The following DNAH7 variants were observed in gnomAD, a reference collection of about 807,000 sequenced individuals.
DNAH7 encodes the protein axonemal beta dynein heavy chain 7.
Under a neutral mutation model 444.6 loss-of-function variants are expected in DNAH7, and 397 were observed. That is an observed-to-expected ratio of 0.89 (90% CI 0.82 to 0.97). DNAH7 has a LOEUF of 0.97. Among genes scored for constraint, DNAH7 ranks in the 50% least tolerant of loss-of-function variants. DNAH7 has a pLI of 0.00. For synonymous variants in DNAH7, 1,636 were observed against 1,624.4 expected (o/e 1.01, Z -0.17); for missense variants, 4,902 against 4,800.8 (o/e 1.02, Z -0.62).
chr2:195,808,852 G>C lies in DNAH7; in HGVS notation c.9913C>G (p.Leu3305Val), dbSNP rs1696829101. The C allele has an allele frequency of 6.2e-7, 1 of 1,613,568 alleles. No homozygotes were observed. Among genetic ancestry groups the C allele is most frequent in the Admixed American group, 1.7e-5 (1 of 59,862 alleles). ...TCCAGTCCAATGCCACCAGTTAGCA[G>C]AAATCTCCACTCAGCTTTATTAATC... is the stretch of plus-strand genomic sequence containing the variant. The part of the protein sequence containing the change: ...RAINKAEWRF[L>V]LTGGIGLDNP... Residue 3305 changes from leucine to valine, a missense_variant, in exon 53 of 65, where the codon CTG (leucine) becomes GTG (valine). Physicochemically the swap from Leu to Val is conservative, Grantham distance 32 (BLOSUM62 1). Transcript: ENST00000312428.
chr2:195,743,432 C>T (rs1007680615), intron 63 of DNAH7, among the ~76,000 whole-genome samples: 1 of 151,878 alleles, frequency 6.6e-6, no homozygotes, highest in Non-Finnish European at 1.5e-5. Context: ...AAACGTTCAG[C>T]AGCACTGTAG....
intron 60 of DNAH7, among the ~76,000 whole-genome samples, chr2:195,773,277 A>T (rs965073025): frequency 5.3e-5 from 8 of 152,330 alleles, no homozygotes; most frequent in African/African-American, 1.9e-4. Flanking sequence ...GAGAACGAAA[A>T]GTATTTGGCT....
At chr2:195,983,894 G>C (rs1305926205) in intron 15 of DNAH7, among the ~76,000 whole-genome samples, 1 of 152,166 alleles carries the variant, frequency 6.6e-6, no homozygotes, top group Non-Finnish European at 1.5e-5. Context: ...GGCTTCCCGG[G>C]ACAGTCCTGG....
intron 10 of DNAH7, among the ~76,000 whole-genome samples, chr2:196,011,466 A>G (rs1463285695): frequency 6.6e-6 from 1 of 152,054 alleles, no homozygotes; most frequent in African/African-American, 2.4e-5. Context: ...AAAAAGATAA[A>G]TGGAAGAAGA....
chr2:195,858,778 T>C lies in DNAH7; in HGVS notation c.7763A>G (p.Tyr2588Cys), dbSNP rs1574586864. The part of the protein sequence containing the change: ...RSEVMKMKKR[Y>C]EVGLEKLDSA... ...ATCCAGTTTCTCCAAACCCACTTCA[T>C]ATCTCTTTTTCATTTTCATTACTTC... is the stretch of plus-strand genomic sequence containing the variant. The change falls in exon 43 of 65, where the codon TAT (tyrosine) becomes TGT (cysteine). Residue 2588 changes from tyrosine to cysteine, a missense_variant. Tyr to Cys is a radical substitution (Grantham distance 194, BLOSUM62 -2). Transcript: ENST00000312428. 1.2e-6 allele frequency: 2 copies of C among 1,609,122 alleles called. No individual in the cohort carries two copies. Among genetic ancestry groups the C allele is most frequent in the African/African-American group, 2.7e-5 (2 of 74,482 alleles).
At position 195,853,388 on chromosome 2, in the gene DNAH7, G is replaced by C; in HGVS notation, c.8736C>G (p.Ser2912=). The change falls in exon 46 of 65, where the codon TCC becomes TCG. Residue 2912 remains serine (S), a synonymous_variant. Coordinates refer to ENST00000312428, the MANE Select transcript of DNAH7 (RefSeq NM_018897.3). ...AGGCTCCGAGGTAAGCAACCACTCCGGAGGAAATGAGGATATCCCCAGTCA... is the reference window on the plus strand; with the variant it reads ...AGGCTCCGAGGTAAGCAACCACTCCCGAGGAAATGAGGATATCCCCAGTCA... ...INLTGDILIS[S]GVVAYLGAFT... 1 of 1,613,976 alleles carries C rather than the reference G, an allele frequency of 6.2e-7. No homozygotes were observed. Among genetic ancestry groups the C allele is most frequent in the Non-Finnish European group, 8.5e-7 (1 of 1,179,958 alleles).
At position 195,858,499 on chromosome 2, in the gene DNAH7, G is replaced by T; in HGVS notation, c.8042C>A (p.Ala2681Asp). Residue 2681 changes from alanine (A) to aspartate (D), a missense_variant, in exon 43 of 65, where the codon GCC becomes GAC. Ala to Asp is a moderately radical substitution (Grantham distance 126). Transcript: ENST00000312428. ...CTGTGCAGTAAGAGTATCAAGGGCG[G>T]CCAGTGCTGACTCTAATATTGGCAA... ...GALPILESAL[A>D]ALDTLTAQDI... The T allele has an allele frequency of 6.2e-7, 1 of 1,609,982 alleles. No individual in the cohort carries two copies. Among genetic ancestry groups the T allele is most frequent in the Non-Finnish European group, 8.5e-7 (1 of 1,177,876 alleles).
chr2:195,826,309 T>C (rs1354241828), intron 48 of DNAH7, among the ~76,000 whole-genome samples: 2 of 152,210 alleles, frequency 1.3e-5, no homozygotes, highest in Non-Finnish European at 2.9e-5. Context: ...TTTTACAAAA[T>C]ATCACTGTAT....
In DNAH7 at chr2:195,775,898, G is replaced by A. The variant is rs748435966; in HGVS notation, c.11150C>T (p.Thr3717Ile). Residue 3717 changes from threonine (T) to isoleucine (I), a missense_variant, in exon 60 of 65, where the codon ACT (threonine) becomes ATT (isoleucine). Physicochemically the swap from Thr to Ile is moderately conservative, Grantham distance 89. Coordinates refer to ENST00000312428, the MANE Select transcript of DNAH7 (RefSeq NM_018897.3). ...CAGCTGAGTTTCTGACTGATCCTTA[G>A]TGATATCTGCATTGGCATTCATCCC... ...IFGMNANADI[T>I]KDQSETQLLF... 4 of 1,614,084 alleles carry A rather than the reference G, an allele frequency of 2.5e-6. No homozygotes were observed. The highest frequency in any genetic ancestry group is 2.2e-5 in the East Asian group (1 of 44,896).
chr2:195,834,707 C>T (rs1474962907), intron 47 of DNAH7, among the ~76,000 whole-genome samples: 1 of 152,192 alleles, frequency 6.6e-6, no homozygotes, highest in African/African-American at 2.4e-5. Flanking sequence ...TAAGGAAACT[C>T]CAGTTCTTCA....
chr2:195,880,473 C>T (rs932675708), intron 36 of DNAH7, among the ~76,000 whole-genome samples: 69 of 151,956 alleles, frequency 4.5e-4, no homozygotes, highest in African/African-American at 1.4e-3. Context: ...GGACTACAGG[C>T]GCCCGCCACC....
At chr2:195,963,944 C>T (rs1202497532) in intron 17 of DNAH7, among the ~76,000 whole-genome samples, 1 of 152,130 alleles carries the variant, frequency 6.6e-6, no homozygotes, top group Non-Finnish European at 1.5e-5. Flanking sequence ...TTTCTGGGCT[C>T]TCCATTCTGT....
At chr2:195,991,849 G>A (rs192501687) in intron 12 of DNAH7, among the ~76,000 whole-genome samples, 10 of 152,178 alleles carry the variant, frequency 6.6e-5, no homozygotes, top group Non-Finnish European at 1.2e-4. Context: ...CTCACTTTGT[G>A]GGCTCAGATA....
chr2:195,830,977 G>A (rs565999579), intron 48 of DNAH7, among the ~76,000 whole-genome samples: 2 of 152,256 alleles, frequency 1.3e-5, no homozygotes, highest in Admixed American at 1.3e-4. Flanking sequence ...GCAAATGAAA[G>A]AAACACTAAA....
At chr2:195,858,357 A>T in intron 43 of DNAH7, 117 bp downstream of exon 43, 5 of 860,400 alleles carry the variant, frequency 5.8e-6, no homozygotes. Flanking sequence ...AAATGATTTC[A>T]GCTTCATTAA....
rs116376402 is a variant in DNAH7 at position 195,843,822 on chromosome 2, C to T, written c.8945+1180G>A. Among the ~76,000 whole-genome samples the T allele has an allele frequency of 7.9e-3, 1,200 of 152,192 alleles. 8 individuals carry two copies. The highest frequency in any genetic ancestry group is 0.013 in the Non-Finnish European group (857 of 68,026). On this transcript the variant is annotated intron_variant, in intron 47 of 64. Coordinates refer to ENST00000312428, the MANE Select transcript of DNAH7 (RefSeq NM_018897.3). ...TCATAAATACTATGTAGAGGCCAGG[C>T]GCAGTGGTTTAGGCCTGTAATCCCA... is the stretch of plus-strand genomic sequence containing the variant.
intron 21 of DNAH7, among the ~76,000 whole-genome samples, chr2:195,931,573 T>C (rs1688699190): frequency 6.6e-6 from 1 of 151,924 alleles, no homozygotes; most frequent in East Asian, 1.9e-4. Flanking sequence ...ATTTAAGTCT[T>C]TAATCCATCT....
At chr2:195,940,164 C>A (rs182667860) in intron 19 of DNAH7, among the ~76,000 whole-genome samples, 1 of 152,060 alleles carries the variant, frequency 6.6e-6, no homozygotes, top group Admixed American at 6.6e-5. Context: ...GGTACTGGTA[C>A]CAAAACAGAT....
intron 17 of DNAH7, among the ~76,000 whole-genome samples, chr2:195,961,164 T>C (rs1017077411): frequency 1.1e-4 from 17 of 152,322 alleles, no homozygotes; most frequent in Non-Finnish European, 2.1e-4. Flanking sequence ...ACATAACATG[T>C]TTTGAGAAAA....
Sources: allele counts gnomAD v4.1 joint callset (sites outside exome capture counted in the v4.1 genomes callset), GRCh38; gene constraint gnomAD v4.1.1; transcripts MANE v1.5; gene names NCBI Gene and HGNC (gene_info 2026-07-23, HGNC 2026-07-21).